EMSY: variants seen among roughly 807,000 people sequenced by gnomAD.
The protein encoded by EMSY is EMSY transcriptional repressor, BRCA2 interacting, also known as BRCA2-interacting transcriptional repressor EMSY.
Under a neutral mutation model 134.6 loss-of-function variants are expected in EMSY, and 26 were observed. The ratio of observed to expected loss-of-function variants is 0.19; its 90% CI spans 0.14 to 0.27. The LOEUF (loss-of-function observed/expected upper bound fraction) is 0.27, where lower values mean the gene tolerates loss of function less well. EMSY is among the 10% of genes least tolerant of loss of function. The pLI is 1.00. For synonymous variants in EMSY, 579 were observed against 577.8 expected (o/e 1.00, Z -0.03); for missense variants, 1,305 against 1,611.4 (o/e 0.81, Z 3.26).
intron 9 of EMSY, among the ~76,000 whole-genome samples, chr11:76,511,467 G>A (rs1288505355): frequency 6.6e-6 from 1 of 152,086 alleles, no homozygotes; most frequent in South Asian, 2.1e-4. Context: ...GGAGGCCAAG[G>A]CTGGTGGGTC....
chr11:76,446,859 T>C (rs1025843323), intron 1 of EMSY, 41 bp from the exon 2 acceptor site: 3 of 1,386,954 alleles, frequency 2.2e-6, no homozygotes, highest in Non-Finnish European at 3.0e-6. Flanking sequence ...GAATGTACTT[T>C]GGTACTTTGG....
At chr11:76,540,811 C>T (rs1951410852) in intron 17 of EMSY, among the ~76,000 whole-genome samples, 1 of 152,164 alleles carries the variant, frequency 6.6e-6, no homozygotes, top group Admixed American at 6.5e-5. Context: ...GAGAAAGTTT[C>T]AATAATCCCA....
exon 9 of EMSY, chr11:76,496,241 G>T: frequency 6.2e-7 from 1 of 1,613,778 alleles, no homozygotes; most frequent in Non-Finnish European, 8.5e-7. Flanking sequence ...AATCAAAATG[G>T]CATCAACCAG....
chr11:76,500,788 A>T (rs979090542), intron 9 of EMSY, among the ~76,000 whole-genome samples: 5 of 152,258 alleles, frequency 3.3e-5, no homozygotes, highest in Non-Finnish European at 5.9e-5. Flanking sequence ...GCTTAGATGA[A>T]GGAGCATGGG....
At chr11:76,551,612 G>A (rs1486044135), downstream of EMSY, 1 of 152,420 alleles carries the variant, frequency 6.6e-6, no homozygotes, top group Admixed American at 6.5e-5. Flanking sequence ...AGTTCTGCTA[G>A]GTGATAATGA....
At position 76,496,495 on chromosome 11, in the gene EMSY, T is replaced by C. The variant is rs372461941; in HGVS notation, c.1363+26T>C. 3.1e-6 allele frequency: 5 copies of C among 1,611,098 alleles called. No individual in the cohort carries two copies. The African/African-American group carries it at 4.0e-5, about 13-fold the overall frequency. On this transcript the variant is annotated intron_variant, in intron 9 of 20. Transcript: ENST00000334736. ...GTAACTGGAAAATGTTTATAAGATA[T>C]GGTAATTCTTCTTTATTCACCAGTT...
At chr11:76,494,669 TC>T (rs1949561619) in intron 8 of EMSY, among the ~76,000 whole-genome samples, 1 of 11,728 alleles carries the variant, frequency 8.5e-5, no homozygotes, top group Non-Finnish European at 2.0e-4. Context: ...CTTCCTTCCT[TC>T]CTTCCTTCCT....
chr11:76,446,353 A>ATATATGTG (rs1947405659), intron 1 of EMSY, among the ~76,000 whole-genome samples: 1 of 149,160 alleles, frequency 6.7e-6, no homozygotes, highest in African/African-American at 2.5e-5. Context: ...ATATGTGTAT[A>ATATATGTG]TATATATATG....
At chr11:76,505,606 C>T (rs1950043822) in intron 9 of EMSY, among the ~76,000 whole-genome samples, 2 of 151,946 alleles carry the variant, frequency 1.3e-5, no homozygotes, top group South Asian at 4.1e-4. Context: ...GCCTGTAATC[C>T]CAGCACCTTG....
intron 7 of EMSY, among the ~76,000 whole-genome samples, chr11:76,472,018 A>G (rs1319055227): frequency 1.3e-5 from 2 of 150,942 alleles, no homozygotes; most frequent in African/African-American, 2.4e-5. Context: ...TACTTAAAAA[A>G]TCATACAGTG....
chr11:76,499,554 T>C (rs1341199679), intron 9 of EMSY, among the ~76,000 whole-genome samples: 1 of 152,104 alleles, frequency 6.6e-6, no homozygotes, highest in African/African-American at 2.4e-5. Flanking sequence ...CCCAAAGTGC[T>C]GGTATTGCAG....
intron 17 of EMSY, 74 bp downstream of exon 18, chr11:76,539,714 G>C (rs1282228122): frequency 5.1e-6 from 7 of 1,378,588 alleles, no homozygotes; most frequent in Non-Finnish European, 7.3e-6. Flanking sequence ...CGCTTAAATG[G>C]ATGCGCTCTA....
At chr11:76,465,579 C>T (rs1255851628) in intron 7 of EMSY, among the ~76,000 whole-genome samples, 1 of 149,874 alleles carries the variant, frequency 6.7e-6, no homozygotes, top group Non-Finnish European at 1.5e-5. Context: ...TTTCTAGTAA[C>T]TCTTTTTCTC....
intron 8 of EMSY, among the ~76,000 whole-genome samples, chr11:76,477,773 T>C (rs1268831010): frequency 6.6e-6 from 1 of 152,236 alleles, no homozygotes; most frequent in African/African-American, 2.4e-5. Context: ...TTAGCTTTTA[T>C]TGTTATCTCT....
intron 7 of EMSY, among the ~76,000 whole-genome samples, chr11:76,467,525 A>G (rs1467480885): frequency 2.0e-5 from 3 of 152,226 alleles, no homozygotes; most frequent in Non-Finnish European, 4.4e-5. Flanking sequence ...TGCTAAGGGT[A>G]GAGACTTTGT....
chr11:76,495,269 T>A (rs1412767885), intron 8 of EMSY, among the ~76,000 whole-genome samples: 1 of 152,152 alleles, frequency 6.6e-6, no homozygotes, highest in Non-Finnish European at 1.5e-5. Flanking sequence ...GGTGAGGATG[T>A]GGTAGAGAAA....
intron 7 of EMSY, among the ~76,000 whole-genome samples, chr11:76,466,493 A>G (rs1453599182): frequency 1.3e-5 from 2 of 152,164 alleles, no homozygotes; most frequent in Admixed American, 6.5e-5. Flanking sequence ...TTTTAAAAAA[A>G]AATCCCTTCA....
chr11:76,519,215 C>T (rs181907721), intron 11 of EMSY, among the ~76,000 whole-genome samples: 123 of 152,026 alleles, frequency 8.1e-4, no homozygotes, highest in Non-Finnish European at 1.4e-3. Context: ...CAGGCGCCTG[C>T]CACCACGCTC....
intron 7 of EMSY, 144 bp downstream of exon 8, chr11:76,464,224 G>A (rs1948258558): frequency 9.3e-7 from 1 of 1,074,922 alleles, no homozygotes; most frequent in Non-Finnish European, 1.3e-6. Context: ...TAATTTTCCA[G>A]ATAAGGCTTT....
Sources: allele counts gnomAD v4.1 joint callset (sites outside exome capture counted in the v4.1 genomes callset), GRCh38; gene constraint gnomAD v4.1.1; transcripts MANE v1.5; gene names NCBI Gene and HGNC (gene_info 2026-07-23, HGNC 2026-07-21).